The following DPP6 variants were observed in gnomAD, a reference collection of about 807,000 sequenced individuals.
DPP6 encodes A-type potassium channel modulatory protein DPP6.
In DPP6, 69 loss-of-function variants were observed where a neutral mutation model predicts 122.6. That is an observed-to-expected ratio of 0.56 (90% confidence interval 0.46 to 0.69). The LOEUF is 0.69. Among genes scored for constraint, DPP6 ranks in the 30% least tolerant of loss-of-function variants. DPP6 has a pLI of 0.00. For synonymous variants in DPP6, 418 were observed against 433.1 expected, an observed-to-expected ratio of 0.97 and a Z score of 0.43; for missense variants, 928 against 1,116.9, an observed-to-expected ratio of 0.83 and a Z score of 2.41.
the DPP6 span, among the ~76,000 whole-genome samples, chr7:153,855,278 AT>A: frequency 0.19 from 28,295 of 151,584 alleles, 2,706 homozygotes; most frequent in South Asian, 0.25. Context: ...TATAAAAAAA[AT>A]ATTCTTTTTC....
intron 3 of DPP6, among the ~76,000 whole-genome samples, chr7:154,495,969 C>G (rs1476476389): frequency 6.6e-6 from 1 of 152,174 alleles, no homozygotes; most frequent in Non-Finnish European, 1.5e-5. Flanking sequence ...ATTAAACAAA[C>G]ACCTGCCAGA....
At chr7:154,470,838 C>G (rs1450332542) in intron 2 of DPP6, among the ~76,000 whole-genome samples, 1 of 152,172 alleles carries the variant, frequency 6.6e-6, no homozygotes, top group African/African-American at 2.4e-5. Context: ...AAGCCACTGC[C>G]CCTTCTTGCA....
At chr7:153,989,593 C>T (rs1160843616) in intron 1 of DPP6, among the ~76,000 whole-genome samples, 2 of 151,932 alleles carry the variant, frequency 1.3e-5, no homozygotes, top group Non-Finnish European at 2.9e-5. Flanking sequence ...CAGCTGCGGT[C>T]CAGGGAGGAA....
At chr7:154,750,802 C>T (rs939961122) in intron 8 of DPP6, among the ~76,000 whole-genome samples, 2 of 152,158 alleles carry the variant, frequency 1.3e-5, no homozygotes, top group African/African-American at 4.8e-5. Flanking sequence ...GCAGGAGAAG[C>T]AGTTGGGAAT....
chr7:154,491,418 G>T (rs1318792520), intron 3 of DPP6, among the ~76,000 whole-genome samples: 1 of 152,172 alleles, frequency 6.6e-6, no homozygotes, highest in East Asian at 1.9e-4. Context: ...CTAGAAGAAA[G>T]TATTAAATGT....
intron 1 of DPP6, among the ~76,000 whole-genome samples, chr7:154,410,895 A>G (rs1322801603): frequency 6.6e-6 from 1 of 152,268 alleles, no homozygotes; most frequent in Non-Finnish European, 1.5e-5. Context: ...TTTATAAAGA[A>G]AAAAGTACAG....
chr7:153,787,278 T>C, the DPP6 span, among the ~76,000 whole-genome samples: 2 of 148,242 alleles, frequency 1.3e-5, no homozygotes, highest in South Asian at 4.4e-4. Flanking sequence ...AAGAAATGTG[T>C]CTTGAAAAAA....
chr7:154,868,100 A>G lies in DPP6; in HGVS notation c.1813+7A>G. The G allele has an allele frequency of 6.3e-7, 1 of 1,596,580 alleles. No homozygotes were observed. The highest frequency in any genetic ancestry group is 1.1e-5 in the South Asian group (1 of 87,358). Reference sequence around the variant, plus strand: ...ATTGAGATTGATGATTACAGTAAGTACTACGTTTTTCCCCTCTAAAAGAAA... The same window carrying G: ...ATTGAGATTGATGATTACAGTAAGTGCTACGTTTTTCCCCTCTAAAAGAAA... On this transcript the variant is annotated splice_region_variant and intron_variant, in intron 18 of 25. Coordinates refer to ENST00000377770, the MANE Select transcript of DPP6 (RefSeq NM_130797.4).
the DPP6 span, among the ~76,000 whole-genome samples, chr7:153,772,039 G>A: frequency 3.3e-5 from 5 of 152,006 alleles, no homozygotes; most frequent in African/African-American, 4.8e-5. Context: ...ATAACAGTAC[G>A]TTCCCAGTTC....
Position 153,969,486 on chromosome 7 carries a change from A to C in DPP6, c.51+81752A>C, listed in dbSNP as rs532368051. 3.4e-4 allele frequency among the ~76,000 whole-genome samples: 50 copies of C among 147,302 alleles called. 3 individuals are homozygous for C. Among genetic ancestry groups the C allele is most frequent in the African/African-American group, 1.3e-3 (50 of 37,188 alleles). On this transcript the variant is annotated intron_variant, in intron 1 of 25. Transcript: ENST00000404039. The stretch of plus-strand genomic sequence containing the variant: ...TAGTGTTACTTGAACTTTGCTTCTA[A>C]CAGATGCATCATATTTCAGAGATAA...
intron 1 of DPP6, among the ~76,000 whole-genome samples, chr7:154,035,926 C>A (rs2129056410): frequency 6.6e-6 from 1 of 151,998 alleles, no homozygotes; most frequent in Non-Finnish European, 1.5e-5. Context: ...GAATAGACTG[C>A]CTTCCGAATG....
At chr7:154,874,374 C>T (rs927229648) in intron 19 of DPP6, among the ~76,000 whole-genome samples, 2 of 152,310 alleles carry the variant, frequency 1.3e-5, no homozygotes, top group African/African-American at 2.4e-5. Context: ...TGAGCTCGGA[C>T]GGGACCGGCC....
intron 20 of DPP6, among the ~76,000 whole-genome samples, chr7:154,879,588 C>CAAAAAAAAAA (rs778157355): frequency 1.9e-4 from 8 of 41,606 alleles, no homozygotes; most frequent in South Asian, 1.1e-3. Context: ...GACTCCGTCT[C>CAAAAAAAAAA]AAAAAAAAAA....
At chr7:153,917,931 A>T (rs1352859870) in intron 1 of DPP6, among the ~76,000 whole-genome samples, 2 of 152,242 alleles carry the variant, frequency 1.3e-5, no homozygotes, top group East Asian at 1.9e-4. Flanking sequence ...TAGCTACCCA[A>T]TTCAGAAAAT....
In DPP6 at chr7:154,807,449, T is replaced by A. The variant is rs748234833; in HGVS notation, c.1666+337T>A. On this transcript the variant is annotated intron_variant, in intron 16 of 25. Transcript: ENST00000377770. ...TAGGAAGGGCAAATATCCTACACAG[T>A]GATGAGCCAAAGCCATCAATCCATC... is the stretch of plus-strand genomic sequence containing the variant. Among the ~76,000 whole-genome samples, 5 of 152,178 alleles carry A rather than the reference T, an allele frequency of 3.3e-5. 1 individual carries two copies. The highest frequency in any genetic ancestry group is 2.9e-5 in the Non-Finnish European group (2 of 68,042).
At chr7:154,643,207 C>T (rs1836218385) in intron 6 of DPP6, among the ~76,000 whole-genome samples, 1 of 152,008 alleles carries the variant, frequency 6.6e-6, no homozygotes, top group African/African-American at 2.4e-5. Context: ...GTATCTATGG[C>T]CTCAACTGTC....
chr7:153,898,826 A>G (rs1799519542), intron 1 of DPP6, among the ~76,000 whole-genome samples: 1 of 152,196 alleles, frequency 6.6e-6, no homozygotes, highest in Non-Finnish European at 1.5e-5. Context: ...CTGACTTACC[A>G]CCATCTAAGT....
intron 4 of DPP6, among the ~76,000 whole-genome samples, chr7:154,551,260 C>G (rs148186917): frequency 3.8e-4 from 58 of 152,268 alleles, no homozygotes; most frequent in African/African-American, 1.3e-3. Context: ...CTTTTGTTTG[C>G]TGATCTTGTT....
chr7:154,246,799 T>G (rs1802010887), intron 1 of DPP6, among the ~76,000 whole-genome samples: 1 of 152,136 alleles, frequency 6.6e-6, no homozygotes, highest in African/African-American at 2.4e-5. Flanking sequence ...AAAATGAACT[T>G]TAACCTCTAC....
Sources: gnomAD v4.1 joint callset for allele counts (sites outside exome capture counted in the v4.1 genomes callset) on GRCh38, gnomAD v4.1.1 for gene constraint, MANE v1.5 for transcripts, NCBI Gene and HGNC (gene_info 2026-07-23, HGNC 2026-07-21) for gene names.